ERBIN: variants seen among roughly 807,000 people sequenced by gnomAD.
ERBIN encodes densin-180-like protein.
In ERBIN, 60 loss-of-function variants were observed where a neutral mutation model predicts 158.4. The observed-to-expected ratio is 0.38, with a 90% CI of 0.31 to 0.47. ERBIN has a LOEUF of 0.47. Among genes scored for constraint, ERBIN ranks in the 20% least tolerant of loss-of-function variants. The pLI, the probability that ERBIN is intolerant of heterozygous loss-of-function variation, is 0.99. For synonymous variants in ERBIN, 594 were observed against 557.2 expected (o/e 1.07, Z -0.93); for missense variants, 1,610 against 1,648.0 (o/e 0.98, Z 0.40).
intron 2 of ERBIN, among the ~76,000 whole-genome samples, chr5:65,992,434 A>G (rs920472244): frequency 7.9e-5 from 12 of 152,154 alleles, no homozygotes; most frequent in Admixed American, 7.2e-4. Context: ...GGTGTGAGCC[A>G]CTGCGCCCGG....
At chr5:65,969,118 G>A (rs377092523) in intron 1 of ERBIN, among the ~76,000 whole-genome samples, 3 of 152,068 alleles carry the variant, frequency 2.0e-5, no homozygotes, top group African/African-American at 4.8e-5. Flanking sequence ...TGTCAATTTC[G>A]GGAGGATAAA....
intron 1 of ERBIN, among the ~76,000 whole-genome samples, chr5:65,927,360 C>T (rs2150819400): frequency 6.6e-6 from 1 of 152,194 alleles, no homozygotes; most frequent in Middle Eastern, 3.4e-3. Context: ...AAAAATCTTG[C>T]CATTCTTAGT....
chr5:65,948,463 C>T (rs1353488676), intron 1 of ERBIN, among the ~76,000 whole-genome samples: 2 of 151,770 alleles, frequency 1.3e-5, no homozygotes, highest in Non-Finnish European at 2.9e-5. Context: ...AAGGTGTGAG[C>T]GACTGCATCC....
intron 1 of ERBIN, among the ~76,000 whole-genome samples, chr5:65,975,721 G>A (rs192396993): frequency 2.0e-4 from 30 of 152,378 alleles, no homozygotes; most frequent in Admixed American, 1.9e-3. Flanking sequence ...GTCAGTGCAT[G>A]TGGACAACTT....
At chr5:66,052,123 C>A (rs1014360581) in intron 20 of ERBIN, among the ~76,000 whole-genome samples, 1 of 149,330 alleles carries the variant, frequency 6.7e-6, no homozygotes, top group African/African-American at 2.5e-5. Context: ...CTTGAGCTTG[C>A]GAGGTTTAGG....
At chr5:65,979,248 G>T (rs1330329458) in intron 1 of ERBIN, among the ~76,000 whole-genome samples, 1 of 151,188 alleles carries the variant, frequency 6.6e-6, no homozygotes, top group Admixed American at 6.6e-5. Context: ...GCAACATAGT[G>T]GGACCCTGTC....
intron 4 of ERBIN, among the ~76,000 whole-genome samples, chr5:66,006,318 G>A (rs1753592362): frequency 6.6e-6 from 1 of 152,182 alleles, no homozygotes; most frequent in African/African-American, 2.4e-5. Context: ...AATAAATGGT[G>A]CTGGGAAAAC....
At chr5:65,968,677 C>T (rs1186636718) in intron 1 of ERBIN, among the ~76,000 whole-genome samples, 1 of 152,150 alleles carries the variant, frequency 6.6e-6, no homozygotes, top group Non-Finnish European at 1.5e-5. Context: ...TCTCCTATCT[C>T]AGTCTCCCGA....
chr5:66,006,059 A>G (rs1356682277), intron 4 of ERBIN, among the ~76,000 whole-genome samples: 1 of 152,184 alleles, frequency 6.6e-6, no homozygotes. Flanking sequence ...GTTCATATGG[A>G]ACCAAAAAAG....
chr5:66,005,432 CTG>C (rs751674815), intron 4 of ERBIN, among the ~76,000 whole-genome samples: 2 of 152,192 alleles, frequency 1.3e-5, no homozygotes, highest in South Asian at 2.1e-4. Flanking sequence ...AAGAGAAAAA[CTG>C]TGCTAGAGAT....
chr5:65,937,420 A>G (rs1744216189), intron 1 of ERBIN, among the ~76,000 whole-genome samples: 1 of 152,202 alleles, frequency 6.6e-6, no homozygotes, highest in Non-Finnish European at 1.5e-5. Context: ...GTCTGCCTTT[A>G]TCAATAGTAA....
chr5:66,062,000 G>A (rs1016291132), intron 21 of ERBIN, among the ~76,000 whole-genome samples: 1 of 152,112 alleles, frequency 6.6e-6, no homozygotes, highest in African/African-American at 2.4e-5. Context: ...TTCAACTTTG[G>A]TGAATCTGAC....
chr5:65,930,345 G>A (rs1369993707), intron 1 of ERBIN, among the ~76,000 whole-genome samples: 6 of 151,992 alleles, frequency 3.9e-5, no homozygotes, highest in Admixed American at 3.9e-4. Flanking sequence ...TTGCTCTGTC[G>A]CCCAGGCTGG....
chr5:65,988,083 C>A (rs930676334), intron 1 of ERBIN, among the ~76,000 whole-genome samples: 1 of 151,916 alleles, frequency 6.6e-6, no homozygotes, highest in Non-Finnish European at 1.5e-5. Context: ...ATAAAGATAG[C>A]CATTTGGCTG....
chr5:65,952,115 G>A lies in ERBIN; in HGVS notation c.-58+25309G>A, dbSNP rs895199534. Among the ~76,000 whole-genome samples, 3 of 151,982 alleles carry A rather than the reference G, an allele frequency of 2.0e-5. No individual in the cohort carries two copies. In the South Asian group the frequency reaches 6.2e-4, roughly 31 times the overall value. On this transcript the variant is annotated intron_variant, in intron 1 of 25. Transcript: ENST00000284037. ...CAGATGGCCCTAAGTATAATTGAAC[G>A]GTATACCTGAAAAGTCAGAAAACAC... is the stretch of plus-strand genomic sequence containing the variant.
intron 2 of ERBIN, among the ~76,000 whole-genome samples, chr5:65,991,429 C>T (rs1362060857): frequency 6.6e-6 from 1 of 152,150 alleles, no homozygotes; most frequent in African/African-American, 2.4e-5. Context: ...CTTCTGACTA[C>T]AGTAAGAATG....
At position 66,075,177 on chromosome 5, in the gene ERBIN, T is replaced by C; in HGVS notation, c.3910T>C (p.Tyr1304His). The change falls in exon 23 of 26, where the codon TAT becomes CAT. Residue 1304 changes from tyrosine to histidine, a missense_variant. By Grantham distance (83) the Tyr-to-His change is moderately conservative. Around this residue, in one of 2 missense-constraint regions of ERBIN, gnomAD observed 1,014 missense variants for 936.1 expected, o/e 1.08. Coordinates refer to ENST00000284037, the MANE Select transcript of ERBIN (RefSeq NM_001253697.2). ...GCTGAAAGTGGCCCACCAGCCTCCA[T>C]ATACACAGCCCCATTGTTCTCCTAG... Reference protein sequence around the residue: ...LMLKVAHQPPYTQPHCSPRQG... With the variant: ...LMLKVAHQPPHTQPHCSPRQG... 6.2e-7 allele frequency: 1 copy of C among 1,614,142 alleles called. No homozygotes were observed. The highest frequency in any genetic ancestry group is 8.5e-7 in the Non-Finnish European group (1 of 1,180,010).
chr5:66,013,824 G>A (rs948156511), intron 6 of ERBIN, among the ~76,000 whole-genome samples, 186 bp downstream of exon 6: 4 of 151,994 alleles, frequency 2.6e-5, no homozygotes, highest in African/African-American at 9.7e-5. Flanking sequence ...ACAATAATCA[G>A]TGAGAGTTTG....
intron 4 of ERBIN, among the ~76,000 whole-genome samples, chr5:66,002,967 A>C (rs1199643910): frequency 6.6e-6 from 1 of 152,226 alleles, no homozygotes; most frequent in Non-Finnish European, 1.5e-5. Flanking sequence ...GCCACTGCCA[A>C]GTGTTTTGAT....
Sources: gnomAD v4.1 joint callset for allele counts (sites outside exome capture counted in the v4.1 genomes callset) on GRCh38, gnomAD v4.1.1 for gene constraint, gnomAD v4.1.1 regional missense constraint, MANE v1.5 for transcripts, NCBI Gene and HGNC (gene_info 2026-07-23, HGNC 2026-07-21) for gene names.